RC3H2: variants seen among roughly 807,000 people sequenced by gnomAD.
RC3H2 encodes ring finger and CCCH-type domains 2.
A neutral mutation model predicts 133.3 loss-of-function variants in RC3H2; 31 were observed. The observed-to-expected ratio is 0.23, with a 90% confidence interval of 0.17 to 0.31. The LOEUF (loss-of-function observed/expected upper bound fraction) is 0.31, where lower values mean the gene tolerates loss of function less well. Ranked by LOEUF, RC3H2 falls within the 10% of genes least tolerant of loss-of-function variation. The probability of loss-of-function intolerance (pLI) is 1.00; values close to 1 mark genes in which losing one functional copy is unlikely to be tolerated. For missense variants in RC3H2, 1,175 were observed against 1,437.2 expected, an observed-to-expected ratio of 0.82 and a Z score of 2.95; for synonymous variants, 517 against 502.2, an observed-to-expected ratio of 1.03 and a Z score of -0.40.
intron 1 of RC3H2, 162 bp from the exon 2 acceptor site, chr9:122,897,738 C>T (rs1014746648): frequency 8.8e-5 from 46 of 524,170 alleles, no homozygotes; most frequent in African/African-American, 7.6e-4. Flanking sequence ...GAATTAATTA[C>T]ATTTCTGAAA....
chr9:122,895,139 TGCTAAATAAATGGTA>T (rs1255395588), intron 2 of RC3H2, among the ~76,000 whole-genome samples: 1 of 151,758 alleles, frequency 6.6e-6, no homozygotes, highest in Non-Finnish European at 1.5e-5. Flanking sequence ...CTATAGCAGA[TGCTAAATAAATGGTA>T]GCTAGGTTTT....
chr9:122,901,969 G>C (rs1200388408), intron 1 of RC3H2, among the ~76,000 whole-genome samples: 1 of 121,026 alleles, frequency 8.3e-6, no homozygotes, highest in Non-Finnish European at 1.7e-5. Flanking sequence ...CGCTCTTGTT[G>C]CCCAGGCTGT....
intron 9 of RC3H2, chr9:122,875,249 C>T: frequency 1.3e-6 from 2 of 1,551,144 alleles, no homozygotes; most frequent in Non-Finnish European, 8.7e-7. Flanking sequence ...TTTCACTGCA[C>T]ACACACTTAT....
chr9:122,900,190 G>A (rs780391420), intron 1 of RC3H2, among the ~76,000 whole-genome samples: 40 of 152,232 alleles, frequency 2.6e-4, no homozygotes, highest in Non-Finnish European at 5.3e-4. Context: ...TTAATACTGA[G>A]AAGTTTAATT....
intron 10 of RC3H2, among the ~76,000 whole-genome samples, chr9:122,863,210 T>C (rs1403395508): frequency 6.6e-6 from 1 of 152,226 alleles, no homozygotes; most frequent in Non-Finnish European, 1.5e-5. Context: ...AGCACAATGT[T>C]TAAAGGTTCA....
chr9:122,857,285 A>T (rs962479775), intron 13 of RC3H2, among the ~76,000 whole-genome samples: 1 of 152,224 alleles, frequency 6.6e-6, no homozygotes, highest in Non-Finnish European at 1.5e-5. Flanking sequence ...AAAAGAAATT[A>T]ATGGTTTTCT....
chr9:122,851,037 A>T, intron 20 of RC3H2, 44 bp downstream of exon 20: 1 of 1,600,128 alleles, frequency 6.2e-7, no homozygotes, highest in Admixed American at 1.7e-5. Flanking sequence ...TCTCTTTATT[A>T]TGTCCTATGC....
At chr9:122,884,941 G>A (rs986773138) in intron 4 of RC3H2, among the ~76,000 whole-genome samples, 2 of 151,862 alleles carry the variant, frequency 1.3e-5, no homozygotes, top group African/African-American at 4.8e-5. Context: ...AAAAGCTGAG[G>A]AACAGTTCCA....
chr9:122,877,671 AC>A, intron 8 of RC3H2, 88 bp from the exon 9 acceptor site: 1 of 916,930 alleles, frequency 1.1e-6, no homozygotes, highest in Non-Finnish European at 1.7e-6. Context: ...TTATAATTAC[AC>A]CTTTAATTCT....
chr9:122,846,166 A>T lies in RC3H2; in HGVS notation c.*3461T>A, dbSNP rs1829863973. The T allele has an allele frequency of 6.6e-6, 1 of 152,236 alleles. No individual in the cohort carries two copies. Among genetic ancestry groups the T allele is most frequent in the South Asian group, 2.1e-4 (1 of 4,830 alleles). The allele number at this position is 152,236 out of a possible 1,614,324, so 9.4% of individuals were successfully genotyped here. ...TCCTGTAATTTTCTCAAGGCAGCAT[A>T]TAAAATTGGGATGTGCTTTATATAC... is the stretch of plus-strand genomic sequence containing the variant. On this transcript the variant is annotated 3_prime_UTR_variant, in exon 21 of 21. Coordinates refer to ENST00000357244, the MANE Select transcript of RC3H2 (RefSeq NM_001100588.3).
intron 20 of RC3H2, 88 bp from the exon 21 acceptor site, chr9:122,849,910 C>G: frequency 1.1e-6 from 1 of 879,584 alleles, no homozygotes; most frequent in Non-Finnish European, 1.6e-6. Context: ...AAAGCTACAG[C>G]AAACTTTAGG....
At chr9:122,862,559 TG>T (rs1830496578) in intron 10 of RC3H2, among the ~76,000 whole-genome samples, 1 of 150,704 alleles carries the variant, frequency 6.6e-6, no homozygotes, top group Non-Finnish European at 1.5e-5. Flanking sequence ...CAATAACAAC[TG>T]GAACAACTGT....
In RC3H2 at chr9:122,854,537, A is replaced by G; in HGVS notation, c.2894T>C (p.Val965Ala). ...GNEATSSAHY[V>A]ERDRFIVTDL... ...GAATTAAGAAGAACGTTACCTTTCA[A>G]CATAGTGTGCTGATGATGTGGCCTC... Residue 965 changes from valine to alanine, a missense_variant, in exon 16 of 21, where the codon GTT becomes GCT. This residue lies in a region of RC3H2 where 138 missense variants were observed against 215.0 expected (regional missense o/e 0.64). Coordinates refer to ENST00000357244, the MANE Select transcript of RC3H2 (RefSeq NM_001100588.3). 2 of 1,610,282 alleles carry G rather than the reference A, an allele frequency of 1.2e-6. No individual in the cohort carries two copies. Among genetic ancestry groups the G allele is most frequent in the Non-Finnish European group, 8.5e-7 (1 of 1,176,484 alleles).
In RC3H2 at chr9:122,851,418, C is replaced by T; in HGVS notation, c.3136G>A (p.Glu1046Lys). The change falls in exon 19 of 21, where the codon GAA becomes AAA. Residue 1046 changes from glutamate to lysine, a missense_variant. Transcript: ENST00000357244. ...TCAGGTTTAGTATCTGTTGCATCTT[C>T]TGTATAATCACTCTGTAACTAAGAA... is the stretch of plus-strand genomic sequence containing the variant. Reference protein sequence around the residue: ...RNGELQSDYTEDATDTKPDRD... With the variant: ...RNGELQSDYTKDATDTKPDRD... 6.2e-7 allele frequency: 1 copy of T among 1,614,084 alleles called. No individual in the cohort carries two copies. Among genetic ancestry groups the T allele is most frequent in the Non-Finnish European group, 8.5e-7 (1 of 1,180,008 alleles).
intron 5 of RC3H2, among the ~76,000 whole-genome samples, chr9:122,881,916 G>T (rs1831655790): frequency 6.6e-6 from 1 of 152,174 alleles, no homozygotes; most frequent in Admixed American, 6.5e-5. Context: ...AGATAGACAA[G>T]CAAGGAATCC....
chr9:122,871,218 T>G (rs1831072555), intron 9 of RC3H2, among the ~76,000 whole-genome samples: 1 of 152,208 alleles, frequency 6.6e-6, no homozygotes, highest in Non-Finnish European at 1.5e-5. Context: ...CAAGCCCATT[T>G]GCCTTCCTCT....
rs1242951080 is a variant in RC3H2 at position 122,845,767 on chromosome 9, TC to T, written c.*3859del. 3 of 152,216 alleles carry T rather than the reference TC, an allele frequency of 2.0e-5. No individual in the cohort carries two copies. The highest frequency in any genetic ancestry group is 7.2e-5 in the African/African-American group (3 of 41,460). 9.4% of individuals were successfully genotyped at this position (152,216 alleles called of 1,614,324 possible). A position where few individuals can be genotyped will look rare whatever the true frequency, so the allele number is the denominator to read the frequency against. ...ACTCCTTGAGCATGTTCTTTTGTGT[TC>T]TGCTTGCAGAAGGGGTCCTTATGTA... is the stretch of plus-strand genomic sequence containing the variant. On this transcript the variant is annotated 3_prime_UTR_variant, in exon 21 of 21. Coordinates refer to ENST00000357244, the MANE Select transcript of RC3H2 (RefSeq NM_001100588.3).
chr9:122,878,868 C>T (rs1202559242), intron 8 of RC3H2, among the ~76,000 whole-genome samples: 1 of 151,192 alleles, frequency 6.6e-6, no homozygotes, highest in East Asian at 2.0e-4. Context: ...CCTGACTCAG[C>T]CGTCTCAGTA....
At position 122,895,775 on chromosome 9, in the gene RC3H2, T is replaced by C. The variant is rs1332829771; in HGVS notation, c.231+1504A>G. ...CTTTCTGGCTTTAATATGTAGCACA[T>C]GATGTACAGAATTTCATCTCTTCCT... On this transcript the variant is annotated intron_variant, in intron 2 of 20. Transcript: ENST00000357244. Among the ~76,000 whole-genome samples, 7 of 152,340 alleles carry C rather than the reference T, an allele frequency of 4.6e-5. 1 individual carries two copies. The highest frequency in any genetic ancestry group is 1.2e-4 in the African/African-American group (5 of 41,584).
Sources: allele counts gnomAD v4.1 joint callset (sites outside exome capture counted in the v4.1 genomes callset), GRCh38; gene constraint gnomAD v4.1.1; regional missense constraint gnomAD v4.1.1; transcripts MANE v1.5; gene names NCBI Gene and HGNC (gene_info 2026-07-23, HGNC 2026-07-21).